The following GRIK1 variants were observed in gnomAD, a reference collection of about 807,000 sequenced individuals.
GRIK1 encodes the protein glutamate ionotropic receptor kainate type subunit 1.
In GRIK1, 69 loss-of-function variants were observed where a neutral mutation model predicts 105.7. The observed-to-expected ratio is 0.65, with a 90% confidence interval of 0.54 to 0.80. GRIK1 has a LOEUF of 0.80. GRIK1 is among the 30% of genes least tolerant of loss of function. The pLI is 0.00. For missense variants in GRIK1, 1,109 were observed against 1,167.3 expected, an observed-to-expected ratio of 0.95 and a Z score of 0.73; for synonymous variants, 438 against 431.3, an observed-to-expected ratio of 1.02 and a Z score of -0.19.
intron 1 of GRIK1, among the ~76,000 whole-genome samples, chr21:29,889,950 G>A (rs2069829750): frequency 6.6e-6 from 1 of 151,988 alleles, no homozygotes; most frequent in Admixed American, 6.6e-5. Flanking sequence ...CCTTTGTAGA[G>A]TTGTTCTGAA....
intron 14 of GRIK1, 35 bp downstream of exon 14, chr21:29,576,929 A>C: frequency 8.8e-7 from 1 of 1,130,420 alleles, no homozygotes. Context: ...CACAAGTATC[A>C]GATAATCACT....
intron 3 of GRIK1, among the ~76,000 whole-genome samples, chr21:29,688,707 G>A (rs746248655): frequency 2.6e-5 from 4 of 152,142 alleles, no homozygotes; most frequent in Non-Finnish European, 5.9e-5. Flanking sequence ...GGGATTCAGT[G>A]CTTTTGCTTC....
At chr21:29,936,161 C>T (rs1340491664) in intron 1 of GRIK1, among the ~76,000 whole-genome samples, 1 of 152,162 alleles carries the variant, frequency 6.6e-6, no homozygotes, top group Non-Finnish European at 1.5e-5. Context: ...CTTTCTGACA[C>T]CAAAACATGC....
In GRIK1 at chr21:29,659,730, T is replaced by C. The variant is rs897238782; in HGVS notation, c.727-4867A>G. ...AATCCCAGCACTTTGGGAGGCCGAG[T>C]TGGACGGATCACCTGAGGTCGGGAG... On this transcript the variant is annotated intron_variant, in intron 4 of 17. Transcript: ENST00000327783. Among the ~76,000 whole-genome samples the C allele has an allele frequency of 2.0e-5, 3 of 152,026 alleles. No homozygotes were observed. In the East Asian group the frequency reaches 5.8e-4, roughly 29 times the overall value.
chr21:29,754,348 G>A (rs890584564), intron 1 of GRIK1, among the ~76,000 whole-genome samples: 2 of 152,160 alleles, frequency 1.3e-5, no homozygotes, highest in Admixed American at 6.5e-5. Context: ...AAAGACTGAG[G>A]TCCCAAGCAG....
intron 1 of GRIK1, among the ~76,000 whole-genome samples, chr21:29,715,310 C>T (rs981843952): frequency 6.6e-6 from 1 of 152,078 alleles, no homozygotes; most frequent in Non-Finnish European, 1.5e-5. Flanking sequence ...AATCTGCTGA[C>T]GCAAGGCAGC....
At chr21:29,690,916 A>T (rs2063572685) in intron 2 of GRIK1, among the ~76,000 whole-genome samples, 1 of 152,204 alleles carries the variant, frequency 6.6e-6, no homozygotes, top group Non-Finnish European at 1.5e-5. Context: ...TTTCTTTAAC[A>T]CTATAGCATG....
intron 16 of GRIK1, among the ~76,000 whole-genome samples, chr21:29,552,555 T>C (rs932723594): frequency 2.0e-5 from 3 of 152,048 alleles, no homozygotes; most frequent in African/African-American, 7.2e-5. Context: ...TAATGATGGA[T>C]CCAAAGAAAT....
chr21:29,610,629 G>A (rs1489413901), intron 7 of GRIK1, among the ~76,000 whole-genome samples: 1 of 152,134 alleles, frequency 6.6e-6, no homozygotes, highest in African/African-American at 2.4e-5. Context: ...GAAAGAATCG[G>A]CCTTACCAAC....
At chr21:29,733,388 A>G (rs1022223062) in intron 1 of GRIK1, among the ~76,000 whole-genome samples, 1 of 152,094 alleles carries the variant, frequency 6.6e-6, no homozygotes, top group African/African-American at 2.4e-5. Context: ...GTCTTGCTAT[A>G]TTCTAGCTAT....
chr21:29,609,463 G>A (rs964570758), intron 7 of GRIK1, among the ~76,000 whole-genome samples: 13 of 152,296 alleles, frequency 8.5e-5, no homozygotes, highest in African/African-American at 2.6e-4. Flanking sequence ...ACTGGGTGAT[G>A]GGCCCACATT....
chr21:29,762,002 C>T (rs2065538269), intron 1 of GRIK1, among the ~76,000 whole-genome samples: 1 of 152,252 alleles, frequency 6.6e-6, no homozygotes, highest in South Asian at 2.1e-4. Flanking sequence ...CCTGCCTTGG[C>T]CTCCCAAGTG....
chr21:29,768,086 G>A (rs1364444599), intron 1 of GRIK1, among the ~76,000 whole-genome samples: 1 of 152,198 alleles, frequency 6.6e-6, no homozygotes, highest in African/African-American at 2.4e-5. Context: ...TTTCCCTCAT[G>A]CAAGGTGCTT....
At chr21:29,591,320 C>T (rs2061331318) in intron 9 of GRIK1, 95 bp from the exon 10 acceptor site, 10 of 799,072 alleles carry the variant, frequency 1.3e-5, no homozygotes, top group East Asian at 1.2e-4. Flanking sequence ...GGCACAAAAG[C>T]TCACAGTTTG....
intron 7 of GRIK1, among the ~76,000 whole-genome samples, chr21:29,620,699 T>C (rs1413082463): frequency 6.7e-6 from 1 of 149,542 alleles, no homozygotes; most frequent in Admixed American, 6.7e-5. Flanking sequence ...GGAAAGACAC[T>C]GAAGTTAAGT....
chr21:29,886,709 C>T (rs1208557991), intron 1 of GRIK1, among the ~76,000 whole-genome samples: 1 of 152,078 alleles, frequency 6.6e-6, no homozygotes, highest in East Asian at 1.9e-4. Context: ...TGTTGCCTGG[C>T]TTATTATATC....
chr21:29,664,607 C>G (rs1385046245), intron 4 of GRIK1, among the ~76,000 whole-genome samples: 1 of 151,116 alleles, frequency 6.6e-6, no homozygotes, highest in Non-Finnish European at 1.5e-5. Flanking sequence ...ACATAGAACT[C>G]TACGGGCCAA....
chr21:29,895,037 G>A (rs1445448053), intron 1 of GRIK1, among the ~76,000 whole-genome samples: 1 of 152,184 alleles, frequency 6.6e-6, no homozygotes, highest in Non-Finnish European at 1.5e-5. Flanking sequence ...CTTAATCCAT[G>A]AGAATTGATA....
intron 1 of GRIK1, among the ~76,000 whole-genome samples, chr21:29,928,518 C>G (rs1053677723): frequency 9.2e-5 from 14 of 152,106 alleles, no homozygotes; most frequent in Non-Finnish European, 1.6e-4. Context: ...CAAAGTGCCA[C>G]CAGGAAAGCC....
Sources: allele counts gnomAD v4.1 joint callset (sites outside exome capture counted in the v4.1 genomes callset), GRCh38; gene constraint gnomAD v4.1.1; transcripts MANE v1.5; gene names NCBI Gene and HGNC (gene_info 2026-07-23, HGNC 2026-07-21).